SLC44A5: variants seen among roughly 807,000 people sequenced by gnomAD.
SLC44A5 encodes choline transporter-like protein 5.
Under a neutral mutation model 101.8 loss-of-function variants are expected in SLC44A5, and 57 were observed. That is an observed-to-expected ratio of 0.56 (90% CI 0.45 to 0.70). The LOEUF (loss-of-function observed/expected upper bound fraction) is 0.70. SLC44A5 is among the 30% of genes least tolerant of loss of function. The pLI is 0.00. For synonymous variants in SLC44A5, 281 were observed against 290.9 expected (o/e 0.97, Z 0.35); for missense variants, 737 against 853.1 (o/e 0.86, Z 1.70).
At chr1:75,228,168 C>T (rs1246679052) in intron 12 of SLC44A5, among the ~76,000 whole-genome samples, 3 of 152,166 alleles carry the variant, frequency 2.0e-5, no homozygotes, top group Non-Finnish European at 4.4e-5. Flanking sequence ...TAGAAAGATG[C>T]GTCAAAAACT....
the SLC44A5 span, among the ~76,000 whole-genome samples, chr1:75,627,331 A>C: frequency 1.3e-5 from 2 of 152,050 alleles, no homozygotes; most frequent in Non-Finnish European, 2.9e-5. Flanking sequence ...AGTAGGGGAT[A>C]GGGTTGCAAT....
intron 2 of SLC44A5, among the ~76,000 whole-genome samples, chr1:75,421,422 A>G (rs1457671678): frequency 2.0e-5 from 3 of 152,168 alleles, no homozygotes; most frequent in Admixed American, 6.5e-5. Flanking sequence ...TATGTAGGCC[A>G]TAAGCCATAT....
At chr1:75,433,231 C>G (rs563517404) in intron 2 of SLC44A5, among the ~76,000 whole-genome samples, 42 of 152,162 alleles carry the variant, frequency 2.8e-4, no homozygotes, top group African/African-American at 9.6e-4. Context: ...ATCTATTTCC[C>G]TATTGCTTCA....
intron 2 of SLC44A5, among the ~76,000 whole-genome samples, chr1:75,447,112 G>A (rs1665627873): frequency 6.6e-6 from 1 of 152,182 alleles, no homozygotes; most frequent in Non-Finnish European, 1.5e-5. Context: ...ACCTACGAAA[G>A]CTTTTGTTAA....
chr1:75,708,424 A>G, the SLC44A5 span, among the ~76,000 whole-genome samples: 1 of 148,092 alleles, frequency 6.8e-6, no homozygotes. Flanking sequence ...AAAAAAAAAA[A>G]AAAAAAAAAA....
chr1:75,313,385 T>C (rs1274154695), intron 4 of SLC44A5, among the ~76,000 whole-genome samples: 1 of 152,236 alleles, frequency 6.6e-6, no homozygotes, highest in East Asian at 1.9e-4. Context: ...CACTTTTTTA[T>C]TACATCAACT....
chr1:75,265,291 G>A (rs537384457), intron 6 of SLC44A5, among the ~76,000 whole-genome samples: 3 of 151,922 alleles, frequency 2.0e-5, no homozygotes, highest in Non-Finnish European at 4.4e-5. Flanking sequence ...AACCAAACAA[G>A]GACATAAAAA....
chr1:75,573,102 T>A, intron 1 of SLC44A5, among the ~76,000 whole-genome samples: 1 of 110,042 alleles, frequency 9.1e-6, no homozygotes, highest in Admixed American at 1.4e-4. Context: ...CAGCCTGAGC[T>A]GAGCGACAGA....
At chr1:75,673,721 G>A in the SLC44A5 span, among the ~76,000 whole-genome samples, 9 of 152,112 alleles carry the variant, frequency 5.9e-5, no homozygotes, top group African/African-American at 1.2e-4. Context: ...TCAGAACAGA[G>A]AGACTCTGCT....
At chr1:75,514,524 C>T (rs1022396550) in intron 2 of SLC44A5, among the ~76,000 whole-genome samples, 2 of 152,178 alleles carry the variant, frequency 1.3e-5, no homozygotes, top group Non-Finnish European at 2.9e-5. Flanking sequence ...TTTTTGGACT[C>T]CTTCCCTCTA....
intron 2 of SLC44A5, among the ~76,000 whole-genome samples, chr1:75,444,649 T>G (rs77398230): frequency 0.23 from 35,443 of 151,342 alleles, 4,267 homozygotes; most frequent in African/African-American, 0.26. Flanking sequence ...AGCAACATGG[T>G]AGTGATAGAT....
chr1:75,202,700 C>T lies in SLC44A5; in HGVS notation c.*1027G>A, dbSNP rs1646683580. ...TAAAAGGGAGCTATTCAGTACATGA[C>T]ATCTGTGAGCACCCTTTCGAGGAGT... On this transcript the variant is annotated 3_prime_UTR_variant, in exon 24 of 24. Coordinates refer to ENST00000370859, the MANE Select transcript of SLC44A5 (RefSeq NM_001130058.2). 6.6e-6 allele frequency: 1 copy of T among 152,106 alleles called. No homozygotes were observed. The highest frequency in any genetic ancestry group is 1.5e-5 in the Non-Finnish European group (1 of 68,016). The allele number at this position is 152,106 out of a possible 1,614,324, so 9.4% of individuals were successfully genotyped here.
the SLC44A5 span, among the ~76,000 whole-genome samples, chr1:75,665,561 A>G: frequency 6.6e-6 from 1 of 152,186 alleles, no homozygotes; most frequent in African/African-American, 2.4e-5. Flanking sequence ...ATTTATAACT[A>G]AGTTTTCAGA....
At chr1:75,589,286 G>A (rs1674206272) in intron 1 of SLC44A5, among the ~76,000 whole-genome samples, 1 of 152,198 alleles carries the variant, frequency 6.6e-6, no homozygotes, top group African/African-American at 2.4e-5. Flanking sequence ...CTATGTGACT[G>A]TGGGAAAGTA....
intron 8 of SLC44A5, among the ~76,000 whole-genome samples, chr1:75,242,345 T>C (rs1648708160): frequency 1.3e-5 from 2 of 151,816 alleles, no homozygotes; most frequent in African/African-American, 4.8e-5. Context: ...ATATCCTGAG[T>C]CTCTGATTTT....
the SLC44A5 span, among the ~76,000 whole-genome samples, chr1:75,636,654 G>T: frequency 6.6e-6 from 1 of 151,928 alleles, no homozygotes; most frequent in African/African-American, 2.4e-5. Context: ...TATTAGCTTT[G>T]CCAATAAGGA....
the SLC44A5 span, among the ~76,000 whole-genome samples, chr1:75,628,894 C>T: frequency 6.6e-6 from 1 of 152,078 alleles, no homozygotes; most frequent in Non-Finnish European, 1.5e-5. Flanking sequence ...ATGAGTAACC[C>T]TTAGAGGAGA....
the SLC44A5 span, among the ~76,000 whole-genome samples, chr1:75,675,572 T>G: frequency 4.6e-5 from 7 of 152,136 alleles, no homozygotes; most frequent in Admixed American, 6.6e-5. Context: ...ATTAAAGACT[T>G]AAATATAAAA....
chr1:75,478,514 A>G lies in SLC44A5; in HGVS notation c.13+62921T>C, dbSNP rs1308153042. Among the ~76,000 whole-genome samples the G allele has an allele frequency of 9.1e-4, 138 of 152,218 alleles. 2 individuals are homozygous for G. The East Asian group carries it at 0.021, about 23-fold the overall frequency. ...GCTGTATTCAGGAAACCCATCTCAC[A>G]TGCAGAGACACACATAGGCTCAAAA... On this transcript the variant is annotated intron_variant, in intron 2 of 23. Transcript: ENST00000370859.
Sources: gnomAD v4.1 joint callset for allele counts (sites outside exome capture counted in the v4.1 genomes callset) on GRCh38, gnomAD v4.1.1 for gene constraint, MANE v1.5 for transcripts, NCBI Gene and HGNC (gene_info 2026-07-23, HGNC 2026-07-21) for gene names.